Variants in EIF3K observed in about 807,000 individuals in gnomAD.
EIF3K encodes eIF-3 p28.
A neutral mutation model predicts 34.2 loss-of-function variants in EIF3K; 27 were observed. The ratio of observed to expected loss-of-function variants is 0.79; its 90% confidence interval spans 0.58 to 1.09. EIF3K has a LOEUF of 1.09. Among genes scored for constraint, EIF3K ranks in the 50% least tolerant of loss-of-function variants. EIF3K has a pLI of 0.00. For synonymous variants in EIF3K, 105 were observed against 105.7 expected (o/e 0.99, Z 0.04); for missense variants, 232 against 275.4 (o/e 0.84, Z 1.11).
At chr19:38,634,236 A>G (rs1245474315) in intron 6 of EIF3K, among the ~76,000 whole-genome samples, 1 of 145,640 alleles carries the variant, frequency 6.9e-6, no homozygotes, top group African/African-American at 2.5e-5. Flanking sequence ...AGCTGAGACT[A>G]TAGGCCTCTG....
Position 38,636,878 on chromosome 19 carries a change from C to T in EIF3K, c.626-11C>T, listed in dbSNP as rs1599742884. 1 of 1,614,154 alleles carries T rather than the reference C, an allele frequency of 6.2e-7. No individual in the cohort carries two copies. Among genetic ancestry groups the T allele is most frequent in the Non-Finnish European group, 8.5e-7 (1 of 1,180,010 alleles). On this transcript the variant is annotated splice_polypyrimidine_tract_variant and intron_variant, in intron 7 of 7. Transcript: ENST00000248342. ...CTTCTCACCTTCAGTCTGGTCTCTC[C>T]TTCCCCACAGGTGTGTCCAGCATCA...
At chr19:38,634,832 G>C (rs1976154444) in intron 6 of EIF3K, among the ~76,000 whole-genome samples, 161 bp from the exon 7 acceptor site, 1 of 152,174 alleles carries the variant, frequency 6.6e-6, no homozygotes. Flanking sequence ...GAAGGGCAGG[G>C]GCGGAAGCAA....
intron 4 of EIF3K, among the ~76,000 whole-genome samples, chr19:38,629,975 T>A (rs1976026498): frequency 1.3e-5 from 2 of 152,190 alleles, no homozygotes; most frequent in African/African-American, 4.8e-5. Context: ...AATATGTGTC[T>A]GCCCCCTTTC....
chr19:38,632,157 T>G (rs1976082334), intron 4 of EIF3K: 1 of 417,018 alleles, frequency 2.4e-6, no homozygotes, highest in Non-Finnish European at 4.4e-6. Flanking sequence ...GGCTCACCCC[T>G]GTAATCCCAA....
At chr19:38,628,671 A>C (rs1385198645) in intron 4 of EIF3K, 1 of 152,194 alleles carries the variant, frequency 6.6e-6, no homozygotes, top group Non-Finnish European at 1.5e-5. Context: ...CTAAAAATAC[A>C]AAGTTGGCCG....
chr19:38,631,330 C>T (rs1976060516), intron 4 of EIF3K, among the ~76,000 whole-genome samples: 2 of 152,076 alleles, frequency 1.3e-5, no homozygotes, highest in African/African-American at 4.8e-5. Flanking sequence ...GGGTGTTTCT[C>T]GGAGAGGGGG....
Position 38,634,999 on chromosome 19 carries a change from A to C in EIF3K, c.506A>C (p.Gln169Pro). Residue 169 changes from glutamine to proline, a missense_variant, in exon 7 of 8, where the codon CAG becomes CCG. Gln to Pro is a moderately conservative substitution (Grantham distance 76). Transcript: ENST00000248342. ...CTGCCCCTGTCACCTGCAGACAGCCAGCTAAAGGTGTGGATGAGCAAATAC... is the reference window on the plus strand; with the variant it reads ...CTGCCCCTGTCACCTGCAGACAGCCCGCTAAAGGTGTGGATGAGCAAATAC... ...AEMLGDLSDSQLKVWMSKYGW... is the reference protein window; with the variant it reads ...AEMLGDLSDSPLKVWMSKYGW... The C allele has an allele frequency of 6.2e-7, 1 of 1,614,172 alleles. No individual in the cohort carries two copies. The highest frequency in any genetic ancestry group is 8.5e-7 in the Non-Finnish European group (1 of 1,180,042).
chr19:38,624,326 A>G, intron 3 of EIF3K, 129 bp downstream of exon 3: 1 of 1,424,644 alleles, frequency 7.0e-7, no homozygotes, highest in Non-Finnish European at 9.5e-7. Flanking sequence ...CAGCGTGGCA[A>G]GGTGCTGGAC....
At chr19:38,635,255 C>T in intron 7 of EIF3K, 137 bp downstream of exon 7, 2 of 1,279,924 alleles carry the variant, frequency 1.6e-6, no homozygotes, top group Non-Finnish European at 2.2e-6. Flanking sequence ...AGATTCCATT[C>T]ACCTTGTGTC....
chr19:38,622,750 C>T (rs1226599265), intron 2 of EIF3K, among the ~76,000 whole-genome samples: 1 of 152,228 alleles, frequency 6.6e-6, no homozygotes, highest in African/African-American at 2.4e-5. Flanking sequence ...GAGACAGGTA[C>T]GCCCCGGGGG....
At chr19:38,619,425 G>A in intron 1 of EIF3K, 98 bp downstream of exon 1, 5 of 1,397,856 alleles carry the variant, frequency 3.6e-6, no homozygotes, top group South Asian at 1.2e-5. Flanking sequence ...GGCTTGCCGC[G>A]GGGTGGGGTT....
intron 4 of EIF3K, chr19:38,628,403 TCTCTGACCGCTTCCTCCTAGCTTC>T (rs2144772499): frequency 6.6e-6 from 1 of 152,376 alleles, no homozygotes; most frequent in African/African-American, 2.4e-5. Flanking sequence ...GCATCTCCAT[TCTCTGACCGCTTCCTCCTAGCTTC>T]TCAGCTCACC....
chr19:38,622,377 A>T (rs1288997261), intron 2 of EIF3K, among the ~76,000 whole-genome samples: 1 of 152,212 alleles, frequency 6.6e-6, no homozygotes, highest in Non-Finnish European at 1.5e-5. Flanking sequence ...GACATCACAC[A>T]TTGGTAGGAT....
At chr19:38,622,176 A>T (rs1337305029) in intron 2 of EIF3K, among the ~76,000 whole-genome samples, 1 of 150,630 alleles carries the variant, frequency 6.6e-6, no homozygotes, top group African/African-American at 2.4e-5. Flanking sequence ...CATGATCTCA[A>T]CTCAGTGCAT....
chr19:38,626,355 A>G, intron 4 of EIF3K: 1 of 462,064 alleles, frequency 2.2e-6, no homozygotes, highest in Non-Finnish European at 3.9e-6. Flanking sequence ...CACACCGTTG[A>G]TCAGAAGTCC....
At chr19:38,631,655 A>G (rs1976068940) in intron 4 of EIF3K, among the ~76,000 whole-genome samples, 1 of 152,172 alleles carries the variant, frequency 6.6e-6, no homozygotes, top group South Asian at 2.1e-4. Context: ...TTCCTCTTTT[A>G]CTAATCCTCC....
chr19:38,619,913 G>A (rs1440631482), intron 1 of EIF3K, among the ~76,000 whole-genome samples: 1 of 152,292 alleles, frequency 6.6e-6, no homozygotes, highest in East Asian at 1.9e-4. Context: ...GAACTGAAAT[G>A]GGGGAAGCAA....
At chr19:38,625,723 T>C (rs1408862871) in intron 3 of EIF3K, among the ~76,000 whole-genome samples, 1 of 151,982 alleles carries the variant, frequency 6.6e-6, no homozygotes, top group Non-Finnish European at 1.5e-5. Context: ...TTGGCCAGGC[T>C]GGTGTCGAAC....
chr19:38,626,613 G>C (rs1451867934), intron 4 of EIF3K, among the ~76,000 whole-genome samples: 1 of 152,152 alleles, frequency 6.6e-6, no homozygotes, highest in South Asian at 2.1e-4. Flanking sequence ...ACTCCAGCCT[G>C]GGCAACAGAG....
Sources: gnomAD v4.1 joint callset for allele counts (sites outside exome capture counted in the v4.1 genomes callset) on GRCh38, gnomAD v4.1.1 for gene constraint, MANE v1.5 for transcripts, NCBI Gene and HGNC (gene_info 2026-07-23, HGNC 2026-07-21) for gene names.